Variants in MIR2052HG observed in about 807,000 individuals in gnomAD.
The protein encoded by MIR2052HG is MIR2052 host gene.
At chr8:74,617,187 A>T (rs1478689630) in intron 2 of MIR2052HG, among the ~76,000 whole-genome samples, 1 of 152,068 alleles carries the variant, frequency 6.6e-6, no homozygotes, top group Non-Finnish European at 1.5e-5. Context: ...TGTACCCATC[A>T]CTCAAATAGT....
At chr8:74,715,449 A>G (rs1040347878) in intron 4 of MIR2052HG, among the ~76,000 whole-genome samples, 6 of 152,210 alleles carry the variant, frequency 3.9e-5, no homozygotes, top group African/African-American at 1.4e-4. Flanking sequence ...TTTACACAAA[A>G]AAGATATAAA....
chr8:74,718,468 T>A (rs1186014637), intron 4 of MIR2052HG, among the ~76,000 whole-genome samples: 2 of 152,174 alleles, frequency 1.3e-5, no homozygotes, highest in Non-Finnish European at 1.5e-5. Flanking sequence ...CACTTTGTTT[T>A]TGTCCAGCCA....
intron 2 of MIR2052HG, among the ~76,000 whole-genome samples, chr8:74,623,310 T>G (rs1179346163): frequency 6.6e-6 from 1 of 152,184 alleles, no homozygotes; most frequent in African/African-American, 2.4e-5. Flanking sequence ...AGAAATTTCC[T>G]TAGGTGGGGG....
intron 4 of MIR2052HG, among the ~76,000 whole-genome samples, chr8:74,736,328 A>AT (rs1586927500): frequency 1.3e-5 from 2 of 152,232 alleles, no homozygotes; most frequent in East Asian, 3.8e-4. Context: ...TGGGTACATA[A>AT]TTTTTGAAAA....
chr8:74,661,125 T>C (rs557455033), intron 2 of MIR2052HG, among the ~76,000 whole-genome samples: 1 of 152,076 alleles, frequency 6.6e-6, no homozygotes, highest in East Asian at 1.9e-4. Context: ...CAGCCTTGGC[T>C]TTGCCAGTTA....
chr8:74,601,514 G>A (rs1234440356), intron 1 of MIR2052HG, among the ~76,000 whole-genome samples: 1 of 152,170 alleles, frequency 6.6e-6, no homozygotes, highest in East Asian at 1.9e-4. Context: ...TTCAATAGGA[G>A]TAAATCTCTC....
At chr8:74,701,056 A>G (rs1809352030) in intron 2 of MIR2052HG, among the ~76,000 whole-genome samples, 1 of 152,134 alleles carries the variant, frequency 6.6e-6, no homozygotes, top group Admixed American at 6.6e-5. Context: ...CTGTACCTTT[A>G]CTTCTTTCAA....
chr8:74,713,971 A>G (rs1320031125), intron 4 of MIR2052HG, among the ~76,000 whole-genome samples: 1 of 152,124 alleles, frequency 6.6e-6, no homozygotes, highest in Non-Finnish European at 1.5e-5. Context: ...AACAGAGTTA[A>G]GAAAAGTTCA....
chr8:74,694,732 A>G (rs1191700655), intron 2 of MIR2052HG, among the ~76,000 whole-genome samples: 1 of 152,184 alleles, frequency 6.6e-6, no homozygotes, highest in Non-Finnish European at 1.5e-5. Context: ...AAAGAAGTAG[A>G]AGAAAGAATT....
intron 2 of MIR2052HG, among the ~76,000 whole-genome samples, chr8:74,692,607 G>A (rs188252649): frequency 5.9e-5 from 9 of 152,198 alleles, no homozygotes; most frequent in African/African-American, 1.9e-4. Context: ...ATTTTCCCAG[G>A]CCATTTCTTA....
intron 2 of MIR2052HG, among the ~76,000 whole-genome samples, chr8:74,680,902 T>C (rs1809116860): frequency 6.6e-6 from 1 of 151,678 alleles, no homozygotes; most frequent in Admixed American, 6.6e-5. Context: ...GATGAGTTCA[T>C]GTCCTTTGTA....
chr8:74,734,103 T>C (rs572861311), intron 4 of MIR2052HG, among the ~76,000 whole-genome samples: 83 of 152,302 alleles, frequency 5.4e-4, no homozygotes, highest in African/African-American at 1.9e-3. Context: ...AGGGCTAATA[T>C]CCAGAATCTA....
intron 5 of MIR2052HG, among the ~76,000 whole-genome samples, chr8:74,753,302 T>G (rs911945125): frequency 1.3e-5 from 2 of 152,224 alleles, no homozygotes; most frequent in Non-Finnish European, 2.9e-5. Flanking sequence ...ATGTATACAT[T>G]ATATAGTCTT....
intron 4 of MIR2052HG, among the ~76,000 whole-genome samples, chr8:74,725,995 C>T (rs1260513619): frequency 6.6e-6 from 1 of 151,968 alleles, no homozygotes; most frequent in African/African-American, 2.4e-5. Context: ...AGTTTGAGAC[C>T]AGTCTGGCCA....
At chr8:74,716,711 A>C (rs1210248752) in intron 4 of MIR2052HG, among the ~76,000 whole-genome samples, 1 of 151,936 alleles carries the variant, frequency 6.6e-6, no homozygotes, top group Non-Finnish European at 1.5e-5. Context: ...CTCTGTCTCA[A>C]AAAAAAAGAG....
chr8:74,604,194 T>C (rs879008325), intron 1 of MIR2052HG: 16 of 895,620 alleles, frequency 1.8e-5, no homozygotes, highest in South Asian at 5.2e-5. Context: ...GCATAAGTAG[T>C]CGGATGGTGA....
At chr8:74,748,925 G>A (rs1404172711) in intron 4 of MIR2052HG, among the ~76,000 whole-genome samples, 1 of 152,104 alleles carries the variant, frequency 6.6e-6, no homozygotes, top group Non-Finnish European at 1.5e-5. Context: ...AGAGAATCAG[G>A]CTTGTTGAGT....
At chr8:74,698,780 A>T (rs1563534447) in intron 2 of MIR2052HG, among the ~76,000 whole-genome samples, 1 of 152,108 alleles carries the variant, frequency 6.6e-6, no homozygotes, top group African/African-American at 2.4e-5. Context: ...AGTGCCTCTT[A>T]GGGGGTGGGA....
At chr8:74,750,571 A>T (rs937967746) in intron 4 of MIR2052HG, among the ~76,000 whole-genome samples, 3 of 151,826 alleles carry the variant, frequency 2.0e-5, no homozygotes, top group Non-Finnish European at 4.4e-5. Flanking sequence ...TTTGACAAGG[A>T]GTTGTGTTGT....
Sources: gnomAD v4.1 joint callset for allele counts (sites outside exome capture counted in the v4.1 genomes callset) on GRCh38, gnomAD v4.1.1 for gene constraint, MANE v1.5 for transcripts, NCBI Gene and HGNC (gene_info 2026-07-23, HGNC 2026-07-21) for gene names.